Variants in NACC1 observed in about 807,000 individuals in gnomAD.
The protein encoded by NACC1 is nucleus accumbens associated 1.
Under a neutral mutation model 41.7 loss-of-function variants are expected in NACC1, and 6 were observed. The observed-to-expected ratio is 0.14, with a 90% CI of 0.08 to 0.28. NACC1 has a LOEUF of 0.28. Ranked by LOEUF, NACC1 falls within the 10% of genes least tolerant of loss-of-function variation. The pLI, the probability that NACC1 is intolerant of heterozygous loss-of-function variation, is 1.00. For missense variants in NACC1, 434 were observed against 763.7 expected, an observed-to-expected ratio of 0.57 and a Z score of 5.09; for synonymous variants, 338 against 330.6, an observed-to-expected ratio of 1.02 and a Z score of -0.24.
At position 13,140,672 on chromosome 19, in the gene NACC1, AC is replaced by A. The variant is rs2019778062; in HGVS notation, c.*2267del. ...TCGGGCAGGGGGTGCAGGGGAGGAA[AC>A]TCCTCACCAGGAGAGCCAAAGACAG... On this transcript the variant is annotated 3_prime_UTR_variant, in exon 6 of 6. Transcript: ENST00000292431. The surrounding 1 kb of genome is among the most constrained non-coding windows in gnomAD (Gnocchi z 4.0). 1 of 150,968 alleles carries A rather than the reference AC, an allele frequency of 6.6e-6. No individual in the cohort carries two copies. Among genetic ancestry groups the A allele is most frequent in the South Asian group, 2.1e-4 (1 of 4,776 alleles). The allele number at this position is 150,968 out of a possible 1,614,324, so 9.4% of individuals were successfully genotyped here. A position where few individuals can be genotyped will look rare whatever the true frequency, so the allele number is the denominator to read the frequency against.
intron 1 of NACC1, among the ~76,000 whole-genome samples, chr19:13,127,491 G>C (rs2019580616): frequency 7.1e-6 from 1 of 140,436 alleles, no homozygotes; most frequent in Non-Finnish European, 1.5e-5. Context: ...AGGAGTTCAA[G>C]ACCAGCCTGG....
chr19:13,136,189 C>T lies in NACC1; in HGVS notation c.946+36C>T, dbSNP rs766124151. 2 of 1,603,688 alleles carry T rather than the reference C, an allele frequency of 1.2e-6. No individual in the cohort carries two copies. Among genetic ancestry groups the T allele is most frequent in the African/African-American group, 1.3e-5 (1 of 74,964 alleles). ...GTCCTGTCCCCCATCCCACCAGCCA[C>T]CCCTGCTCCTCCTGCCACTCGCGTG... On this transcript the variant is annotated intron_variant, in intron 2 of 5. Transcript: ENST00000292431. The surrounding 1 kb of genome is among the most constrained non-coding windows in gnomAD (Gnocchi z 5.5).
At chr19:13,131,374 T>C (rs2019632533) in intron 1 of NACC1, among the ~76,000 whole-genome samples, 1 of 152,200 alleles carries the variant, frequency 6.6e-6, no homozygotes, top group Non-Finnish European at 1.5e-5. Flanking sequence ...TGCCAGCCTC[T>C]TCCCTTGACC....
At chr19:13,125,392 A>G (rs1887483640) in intron 1 of NACC1, among the ~76,000 whole-genome samples, 2 of 149,700 alleles carry the variant, frequency 1.3e-5, no homozygotes, top group African/African-American at 2.5e-5. Context: ...TCCTGACTGA[A>G]TCAACTCCCG....
chr19:13,134,849 T>A (rs2019678796), intron 1 of NACC1, among the ~76,000 whole-genome samples: 1 of 152,188 alleles, frequency 6.6e-6, no homozygotes, highest in Non-Finnish European at 1.5e-5. Flanking sequence ...CACTCAGAGG[T>A]AGCACACTGT....
At chr19:13,135,152 C>T (rs1416941644) in intron 1 of NACC1, 48 bp from the exon 2 acceptor site, 2 of 1,488,282 alleles carry the variant, frequency 1.3e-6, no homozygotes, top group South Asian at 2.8e-5. Flanking sequence ...GCCGCCTGAC[C>T]CCGTCCCTCC....
In NACC1 at chr19:13,137,254, CG is replaced by C. The variant is rs755422378; in HGVS notation, c.1121-15del. On this transcript the variant is annotated splice_polypyrimidine_tract_variant and intron_variant, in intron 3 of 5. Transcript: ENST00000292431. This position sits in a 1 kb window ranked among gnomAD's most constrained non-coding sequence, Gnocchi z 6.1. ...TTTGGGGGCACCCCAGGCCATCCTC[CG>C]GCTTCCTCTCACCAGGCACCAACGT... The C allele has an allele frequency of 6.2e-7, 1 of 1,611,012 alleles. No homozygotes were observed. Among genetic ancestry groups the C allele is most frequent in the Admixed American group, 1.7e-5 (1 of 59,988 alleles).
chr19:13,117,955 C>G (rs2019414495), upstream of NACC1: 1 of 152,250 alleles, frequency 6.6e-6, no homozygotes, highest in South Asian at 2.1e-4. Flanking sequence ...GCAGTGCCTG[C>G]CACAATAAAC....
chr19:13,135,810 C>G lies in NACC1; in HGVS notation c.603C>G (p.Arg201=). The part of the protein sequence containing the change: ...KEAGGGGNGS[R]KMAKFSTPDL... ...CTGGGGGCGGCGGCAATGGCAGCCG[C>G]AAGATGGCCAAGTTCTCCACGCCGG... Residue 201 remains arginine, a synonymous_variant, in exon 2 of 6, where the codon CGC becomes CGG. Coordinates refer to ENST00000292431, the MANE Select transcript of NACC1 (RefSeq NM_052876.4). 1 of 1,554,146 alleles carries G rather than the reference C, an allele frequency of 6.4e-7. No homozygotes were observed. The highest frequency in any genetic ancestry group is 8.7e-7 in the Non-Finnish European group (1 of 1,150,832).
At chr19:13,123,132 A>C (rs1189058026) in intron 1 of NACC1, among the ~76,000 whole-genome samples, 1 of 152,186 alleles carries the variant, frequency 6.6e-6, no homozygotes, top group Non-Finnish European at 1.5e-5. Flanking sequence ...CCCCTCTCCC[A>C]GGATGATCCC....
At chr19:13,133,683 G>A (rs1264974474) in intron 1 of NACC1, among the ~76,000 whole-genome samples, 1 of 152,190 alleles carries the variant, frequency 6.6e-6, no homozygotes, top group African/African-American at 2.4e-5. Context: ...GCAGATGGAC[G>A]TTTGGATTGT....
chr19:13,138,199 C>T lies in NACC1; in HGVS notation c.1377C>T (p.Ile459=), dbSNP rs141653411. ...PNFKESEMNA[I]AADMCTNARR... is the part of the protein sequence containing the mutation. ...TCAAGGAGAGCGAGATGAATGCCAT[C>T]GCGGCCGACATGTGCACCAACGCCC... is the stretch of plus-strand genomic sequence containing the variant. Residue 459 remains isoleucine (I), a synonymous_variant, in exon 6 of 6, where the codon ATC becomes ATT. Transcript: ENST00000292431. This position sits in a 1 kb window ranked among gnomAD's most constrained non-coding sequence, Gnocchi z 5.7. 4.7e-5 allele frequency: 76 copies of T among 1,614,064 alleles called. No homozygotes were observed. Among genetic ancestry groups the T allele is most frequent in the Non-Finnish European group, 5.8e-5 (69 of 1,180,030 alleles).
intron 1 of NACC1, among the ~76,000 whole-genome samples, chr19:13,120,304 G>A (rs180731092): frequency 3.3e-5 from 5 of 152,328 alleles, no homozygotes; most frequent in Admixed American, 3.3e-4. Context: ...GACTTTGCTT[G>A]CCTAGACTGT....
At chr19:13,118,742 G>T (rs2019444782) in intron 1 of NACC1, among the ~76,000 whole-genome samples, 2 of 149,348 alleles carry the variant, frequency 1.3e-5, no homozygotes, top group African/African-American at 4.9e-5. Flanking sequence ...GGGATCCGGG[G>T]AAGTTGGAGG....
intron 1 of NACC1, among the ~76,000 whole-genome samples, chr19:13,133,230 G>T (rs1304015208): frequency 1.3e-5 from 2 of 152,078 alleles, no homozygotes; most frequent in Non-Finnish European, 1.5e-5. Flanking sequence ...CTTCTCACTC[G>T]CACTCTGCCC....
At chr19:13,118,196 G>T (rs2019420752), upstream of NACC1, 1 of 151,228 alleles carries the variant, frequency 6.6e-6, no homozygotes. Context: ...AGGGCGGTGC[G>T]CGGGCGGGGC....
chr19:13,135,237 G>C lies in NACC1; in HGVS notation c.30G>C (p.Pro10=). The C allele has an allele frequency of 6.2e-7, 1 of 1,610,988 alleles. No homozygotes were observed. Among genetic ancestry groups the C allele is most frequent in the Non-Finnish European group, 8.5e-7 (1 of 1,178,754 alleles). Residue 10 remains proline, a synonymous_variant, in exon 2 of 6, where the codon CCG becomes CCC. Coordinates refer to ENST00000292431, the MANE Select transcript of NACC1 (RefSeq NM_052876.4). MAQTLQMEI[P]NFGNSILECL... is the part of the protein sequence containing the mutation. ...CCCAGACACTGCAGATGGAGATCCC[G>C]AACTTCGGCAACAGCATCCTGGAGT...
chr19:13,138,487 C>G lies in NACC1; in HGVS notation c.*81C>G, dbSNP rs991980871. The G allele has an allele frequency of 4.5e-6, 7 of 1,557,270 alleles. No individual in the cohort carries two copies. The African/African-American group carries it at 8.1e-5, about 18-fold the overall frequency. ...TGCCATCTTGGTCATGAGCTACTGT[C>G]TGTCCCTCCCCAGGACCCGCGGTGG... On this transcript the variant is annotated 3_prime_UTR_variant, in exon 6 of 6. Coordinates refer to ENST00000292431, the MANE Select transcript of NACC1 (RefSeq NM_052876.4). The surrounding 1 kb of genome is among the most constrained non-coding windows in gnomAD (Gnocchi z 5.7).
intron 1 of NACC1, among the ~76,000 whole-genome samples, chr19:13,118,813 G>T (rs1244674311): frequency 7.1e-6 from 1 of 140,996 alleles, no homozygotes; most frequent in African/African-American, 2.6e-5. Context: ...GGAGGGGGAG[G>T]AGGAGTCGGG....
Sources: allele counts gnomAD v4.1 joint callset (sites outside exome capture counted in the v4.1 genomes callset), GRCh38; gene constraint gnomAD v4.1.1; non-coding constraint Gnocchi (gnomAD v3.1); transcripts MANE v1.5; gene names NCBI Gene and HGNC (gene_info 2026-07-23, HGNC 2026-07-21).